Variants in PTPRD observed in about 807,000 individuals in gnomAD.
PTPRD encodes the protein receptor-type tyrosine-protein phosphatase delta.
PTPRD carries 34 observed loss-of-function variants against 214.5 expected under a neutral mutation model. The ratio of observed to expected loss-of-function variants is 0.16; its 90% confidence interval spans 0.12 to 0.21. The LOEUF (loss-of-function observed/expected upper bound fraction) is 0.21. Ranked by LOEUF, PTPRD falls within the 10% of genes least tolerant of loss-of-function variation. PTPRD has a pLI of 1.00. For missense variants in PTPRD, 2,545 were observed against 2,398.7 expected, an observed-to-expected ratio of 1.06 and a Z score of -1.27; for synonymous variants, 1,128 against 845.7, an observed-to-expected ratio of 1.33 and a Z score of -5.79.
At chr9:9,117,777 C>T (rs2099813765) in intron 10 of PTPRD, among the ~76,000 whole-genome samples, 1 of 151,776 alleles carries the variant, frequency 6.6e-6, no homozygotes, top group African/African-American at 2.4e-5. Context: ...ACTGTAAAAT[C>T]ATGGGTGGTA....
At chr9:10,260,410 T>A (rs190491568) in intron 3 of PTPRD, among the ~76,000 whole-genome samples, 162 of 152,282 alleles carry the variant, frequency 1.1e-3, no homozygotes, top group African/African-American at 3.7e-3. Flanking sequence ...AGGTCTCAGT[T>A]TTTTTTGTCA....
rs140079067 is a variant in PTPRD at position 9,381,308 on chromosome 9, T to C, written c.-203+16141A>G. ...TTTTACTGCCTTGAGTAGTTTTAATTGTACATTTATACGATTCAATTTTCT... is the reference window on the plus strand; with the variant it reads ...TTTTACTGCCTTGAGTAGTTTTAATCGTACATTTATACGATTCAATTTTCT... On this transcript the variant is annotated intron_variant, in intron 9 of 45. Coordinates refer to ENST00000381196, the MANE Select transcript of PTPRD (RefSeq NM_002839.4). Among the ~76,000 whole-genome samples the C allele has an allele frequency of 4.5e-4, 68 of 152,172 alleles. No individual in the cohort carries two copies. The East Asian group carries it at 0.013, about 29-fold the overall frequency.
At chr9:10,431,380 G>T (rs1022407773) in intron 2 of PTPRD, among the ~76,000 whole-genome samples, 8 of 151,936 alleles carry the variant, frequency 5.3e-5, no homozygotes, top group African/African-American at 9.7e-5. Flanking sequence ...CATGGGCAAG[G>T]ACTTCATGTC....
intron 43 of PTPRD, among the ~76,000 whole-genome samples, chr9:8,336,780 A>G (rs1847287662): frequency 6.6e-6 from 1 of 152,210 alleles, no homozygotes; most frequent in Admixed American, 6.5e-5. Context: ...CCTCATCAAA[A>G]AGTGGGCAAA....
chr9:9,020,500 A>T (rs2099562830), intron 10 of PTPRD, among the ~76,000 whole-genome samples: 1 of 152,186 alleles, frequency 6.6e-6, no homozygotes, highest in African/African-American at 2.4e-5. Flanking sequence ...TGGTTGAGGC[A>T]TTGAATGTGA....
chr9:10,482,338 T>A (rs1157583701), intron 2 of PTPRD, among the ~76,000 whole-genome samples: 1 of 151,874 alleles, frequency 6.6e-6, no homozygotes, highest in Non-Finnish European at 1.5e-5. Flanking sequence ...GCCACTGCAC[T>A]CCAGCCTGGG....
chr9:9,903,913 A>G (rs890241361), intron 5 of PTPRD, among the ~76,000 whole-genome samples: 1 of 152,136 alleles, frequency 6.6e-6, no homozygotes, highest in Non-Finnish European at 1.5e-5. Context: ...TGTGTCAATC[A>G]ACTAATAGGG....
At chr9:8,952,556 G>T (rs985808133) in intron 11 of PTPRD, among the ~76,000 whole-genome samples, 5 of 151,858 alleles carry the variant, frequency 3.3e-5, no homozygotes. Context: ...AGATTTCTTT[G>T]ATCCCAGTGG....
intron 14 of PTPRD, among the ~76,000 whole-genome samples, chr9:8,600,022 T>A (rs1037971978): frequency 6.6e-6 from 1 of 152,148 alleles, no homozygotes; most frequent in Non-Finnish European, 1.5e-5. Flanking sequence ...GAAAAGACAG[T>A]GGTGAATTGC....
chr9:9,285,301 C>A (rs139359477), intron 9 of PTPRD, among the ~76,000 whole-genome samples: 2 of 151,932 alleles, frequency 1.3e-5, no homozygotes, highest in African/African-American at 4.8e-5. Context: ...ACCTGCCTCA[C>A]ACATTGCTCC....
intron 11 of PTPRD, among the ~76,000 whole-genome samples, chr9:8,982,851 T>C (rs1208433543): frequency 6.6e-6 from 1 of 152,034 alleles, no homozygotes; most frequent in Non-Finnish European, 1.5e-5. Context: ...TTTGAGACTA[T>C]TCACATGTAA....
intron 3 of PTPRD, among the ~76,000 whole-genome samples, chr9:10,126,268 G>C (rs1264138335): frequency 6.6e-6 from 1 of 151,838 alleles, no homozygotes; most frequent in Non-Finnish European, 1.5e-5. Flanking sequence ...TATACGACAT[G>C]GCATTTACGT....
At chr9:8,347,568 C>T (rs2074227876) in intron 39 of PTPRD, among the ~76,000 whole-genome samples, 1 of 152,190 alleles carries the variant, frequency 6.6e-6, no homozygotes, top group Non-Finnish European at 1.5e-5. Flanking sequence ...TGAGGAAGTG[C>T]CATTGAAACT....
At chr9:9,440,948 C>A (rs566017132) in intron 8 of PTPRD, among the ~76,000 whole-genome samples, 1 of 152,142 alleles carries the variant, frequency 6.6e-6, no homozygotes, top group Non-Finnish European at 1.5e-5. Flanking sequence ...ATGGGCAGAG[C>A]GTGAAGTCAA....
chr9:9,353,011 A>G (rs1434867857), intron 9 of PTPRD, among the ~76,000 whole-genome samples: 3 of 151,932 alleles, frequency 2.0e-5, no homozygotes, highest in South Asian at 4.1e-4. Flanking sequence ...CTTATTTTCA[A>G]TGATAAAATT....
chr9:9,724,639 GA>G (rs1197057343), intron 7 of PTPRD, among the ~76,000 whole-genome samples: 1 of 152,144 alleles, frequency 6.6e-6, no homozygotes, highest in Non-Finnish European at 1.5e-5. Context: ...TCCAGTTGAA[GA>G]AAGCATTAGA....
chr9:10,578,491 C>A (rs117925989), intron 2 of PTPRD, among the ~76,000 whole-genome samples: 1 of 151,966 alleles, frequency 6.6e-6, no homozygotes, highest in Non-Finnish European at 1.5e-5. Context: ...CATCAATACA[C>A]GATTCAAAAA....
intron 9 of PTPRD, among the ~76,000 whole-genome samples, chr9:9,387,513 G>T (rs1005090832): frequency 2.6e-5 from 4 of 151,950 alleles, no homozygotes; most frequent in African/African-American, 9.7e-5. Flanking sequence ...TTGAAGGGTG[G>T]TTTCACTGAA....
At chr9:9,585,184 G>C (rs2091711588) in intron 7 of PTPRD, among the ~76,000 whole-genome samples, 1 of 151,796 alleles carries the variant, frequency 6.6e-6, no homozygotes, top group African/African-American at 2.4e-5. Context: ...CCAGTACTTT[G>C]AATGTAAAAC....
Sources: gnomAD v4.1 joint callset for allele counts (sites outside exome capture counted in the v4.1 genomes callset) on GRCh38, gnomAD v4.1.1 for gene constraint, MANE v1.5 for transcripts, NCBI Gene and HGNC (gene_info 2026-07-23, HGNC 2026-07-21) for gene names.